ZNF75A: variants seen among roughly 807,000 people sequenced by gnomAD.
The protein encoded by ZNF75A is zinc finger protein 75A.
ZNF75A carries 36 observed loss-of-function variants against 46.3 expected under a neutral mutation model. The ratio of observed to expected loss-of-function variants is 0.78; its 90% CI spans 0.60 to 1.03. The LOEUF is 1.03. Among genes scored for constraint, ZNF75A ranks in the 50% least tolerant of loss-of-function variants. ZNF75A has a pLI of 0.00. For synonymous variants in ZNF75A, 234 were observed against 189.9 expected (o/e 1.23, Z -1.91); for missense variants, 595 against 551.3 (o/e 1.08, Z -0.79).
Position 3,316,955 on chromosome 16 carries a change from G to A in ZNF75A, c.867G>A (p.Glu289=), listed in dbSNP as rs769918150. 5 of 1,614,052 alleles carry A rather than the reference G, an allele frequency of 3.1e-6. No individual in the cohort carries two copies. The highest frequency in any genetic ancestry group is 4.2e-6 in the Non-Finnish European group (5 of 1,179,980). ...AACCTAAAGTGATCTCCTGTCTAGA[G>A]CAAGGGGAAGAGCCATGGGTTCAAG... The part of the protein sequence containing the change: ...LPKPKVISCL[E]QGEEPWVQVS... The change falls in exon 6 of 7, where the codon GAG becomes GAA. Residue 289 remains glutamate (E), a synonymous_variant. Coordinates refer to ENST00000669516, the MANE Select transcript of ZNF75A (RefSeq NM_001302109.2).
chr16:3,323,030 TA>T (rs2030003446), downstream of ZNF75A: 1 of 616,694 alleles, frequency 1.6e-6, no homozygotes, highest in African/African-American at 2.0e-5. Flanking sequence ...GCCATGAACC[TA>T]AGCTACTGTC....
chr16:3,310,865 G>A (rs1960719979), intron 2 of ZNF75A: 1 of 985,364 alleles, frequency 1.0e-6, no homozygotes, highest in South Asian at 4.7e-5. Flanking sequence ...GAACTTGGTG[G>A]GTGGCGACAC....
Position 3,313,159 on chromosome 16 carries a change from G to T in ZNF75A, c.807G>T (p.Glu269Asp). 1 of 1,614,066 alleles carries T rather than the reference G, an allele frequency of 6.2e-7. No homozygotes were observed. Among genetic ancestry groups the T allele is most frequent in the Non-Finnish European group, 8.5e-7 (1 of 1,179,972 alleles). ...LYNDVMQENY[E>D]TVISLALFVL... ...ATGATGTAATGCAGGAAAACTATGAGACTGTCATCTCTCTAGGTAAAGATT... is the reference window on the plus strand; with the variant it reads ...ATGATGTAATGCAGGAAAACTATGATACTGTCATCTCTCTAGGTAAAGATT... Residue 269 changes from glutamate to aspartate, a missense_variant, in exon 5 of 7, where the codon GAG becomes GAT. By Grantham distance (45) the Glu-to-Asp change is conservative. Coordinates refer to ENST00000669516, the MANE Select transcript of ZNF75A (RefSeq NM_001302109.2).
At chr16:3,311,415 G>A (rs1960781480) in intron 2 of ZNF75A, among the ~76,000 whole-genome samples, 1 of 149,130 alleles carries the variant, frequency 6.7e-6, no homozygotes, top group Non-Finnish European at 1.5e-5. Flanking sequence ...CCCAGCCTGG[G>A]CAACAAGAGC....
chr16:3,318,121 T>A lies in ZNF75A; in HGVS notation c.*252T>A. On this transcript the variant is annotated 3_prime_UTR_variant, in exon 7 of 7. Coordinates refer to ENST00000669516, the MANE Select transcript of ZNF75A (RefSeq NM_001302109.2). ...TTTTGAACACATCCAATAGAAACAT[T>A]GGCAGCATGGTCTTCCAAAACAAAA... The A allele has an allele frequency of 7.3e-6, 9 of 1,225,556 alleles. No homozygotes were observed. Among genetic ancestry groups the A allele is most frequent in the Non-Finnish European group, 9.2e-6 (9 of 982,758 alleles). The allele number at this position is 1,225,556 out of a possible 1,614,324, so 75.9% of individuals were successfully genotyped here.
At position 3,317,676 on chromosome 16, in the gene ZNF75A, A is replaced by C. The variant is rs370290011; in HGVS notation, c.1421A>C (p.His474Pro). ...AGCTTCAGTCAAAATACAAATTTAC[A>C]TACACACCAAAGAACTCATACAGGA... ...GKSFSQNTNL[H>P]THQRTHTGEK... The change falls in exon 7 of 7, where the codon CAT becomes CCT. Residue 474 changes from histidine to proline, a missense_variant. By Grantham distance (77) the His-to-Pro change is moderately conservative. Transcript: ENST00000669516. 1 of 1,614,070 alleles carries C rather than the reference A, an allele frequency of 6.2e-7. No individual in the cohort carries two copies. The highest frequency in any genetic ancestry group is 8.5e-7 in the Non-Finnish European group (1 of 1,180,032).
intron 1 of ZNF75A, chr16:3,305,891 C>T (rs1051565850): frequency 2.0e-5 from 3 of 152,276 alleles, no homozygotes; most frequent in Admixed American, 6.5e-5. Flanking sequence ...ACGGGCACGC[C>T]TGTCGCAGAC....
rs559741058 is a variant in ZNF75A at position 3,313,239 on chromosome 16, C to T, written c.823+64C>T. On this transcript the variant is annotated intron_variant, in intron 5 of 6. Coordinates refer to ENST00000669516, the MANE Select transcript of ZNF75A (RefSeq NM_001302109.2). ...TATTCTTGGCTTACTGAGAAGGAAC[C>T]CCAGTGAGGGGTGTCTTACTGTTCC... 2.6e-6 allele frequency: 4 copies of T among 1,546,420 alleles called. No homozygotes were observed. In the South Asian group the frequency reaches 4.7e-5, roughly 18 times the overall value.
chr16:3,319,848 C>T (rs1182438716), downstream of ZNF75A, among the ~76,000 whole-genome samples: 2 of 150,294 alleles, frequency 1.3e-5, no homozygotes, highest in Admixed American at 6.6e-5. Context: ...TCCTTTCCTG[C>T]CTTAATCATG....
Position 3,308,358 on chromosome 16 carries a change from A to T in ZNF75A, c.-71A>T. 8 of 952,878 alleles carry T rather than the reference A, an allele frequency of 8.4e-6. No homozygotes were observed. Among genetic ancestry groups the T allele is most frequent in the Non-Finnish European group, 1.0e-5 (8 of 799,820 alleles). 59.0% of individuals were successfully genotyped at this position (952,878 alleles called of 1,614,324 possible). On this transcript the variant is annotated 5_prime_UTR_variant, in exon 2 of 7. Coordinates refer to ENST00000669516, the MANE Select transcript of ZNF75A (RefSeq NM_001302109.2). ...TTTTATTGCTTTTGTACAAGACCAGACAGGATCTCATTTGTTAAACGTGGT... is the reference window on the plus strand; with the variant it reads ...TTTTATTGCTTTTGTACAAGACCAGTCAGGATCTCATTTGTTAAACGTGGT...
At chr16:3,306,061 T>G (rs1158410605) in intron 1 of ZNF75A, 3 of 152,216 alleles carry the variant, frequency 2.0e-5, no homozygotes, top group Non-Finnish European at 4.4e-5. Context: ...ACATAGGAAG[T>G]GTCTCTTTGC....
chr16:3,307,600 C>T (rs1201062227), intron 1 of ZNF75A: 2 of 151,834 alleles, frequency 1.3e-5, no homozygotes, highest in African/African-American at 4.8e-5. Context: ...TCACTGCAAC[C>T]TTGAATTCCT....
chr16:3,306,014 T>G (rs547021724), intron 1 of ZNF75A: 1 of 152,236 alleles, frequency 6.6e-6, no homozygotes, highest in Non-Finnish European at 1.5e-5. Context: ...ATGCGGTCGG[T>G]TGAGCCTCAG....
At chr16:3,320,194 C>T (rs538800971), downstream of ZNF75A, among the ~76,000 whole-genome samples, 258 of 152,232 alleles carry the variant, frequency 1.7e-3, 1 homozygote, top group East Asian at 9.1e-3. Context: ...TACAGGTACC[C>T]GCCACCACGC....
At chr16:3,321,912 G>A (rs1431026217), downstream of ZNF75A, among the ~76,000 whole-genome samples, 4 of 152,176 alleles carry the variant, frequency 2.6e-5, no homozygotes, top group Admixed American at 6.5e-5. Context: ...GAGGAAGAAC[G>A]CCCAGCAGCC....
intron 2 of ZNF75A, among the ~76,000 whole-genome samples, chr16:3,309,894 A>G (rs114730605): frequency 0.011 from 1,682 of 151,558 alleles, 35 homozygotes; most frequent in African/African-American, 0.038. Flanking sequence ...ACTGCTTGAG[A>G]CCAGCCTGGG....
downstream of ZNF75A, among the ~76,000 whole-genome samples, chr16:3,321,875 A>G (rs2029957700): frequency 6.6e-6 from 1 of 152,240 alleles, no homozygotes; most frequent in South Asian, 2.1e-4. Flanking sequence ...ACTACTGAGA[A>G]CAGTGTTTAA....
At position 3,318,464 on chromosome 16, in the gene ZNF75A, A is replaced by G; in HGVS notation, c.*595A>G. ...ATGCCTCTCATTGGTGATGTTTGGA[A>G]AATAGAAGACATCTCTAATGGAATC... On this transcript the variant is annotated 3_prime_UTR_variant, in exon 7 of 7. Transcript: ENST00000669516. 1 of 985,436 alleles carries G rather than the reference A, an allele frequency of 1.0e-6. No homozygotes were observed. The highest frequency in any genetic ancestry group is 1.2e-6 in the Non-Finnish European group (1 of 829,958). 61.0% of individuals were successfully genotyped at this position (985,436 alleles called of 1,614,324 possible).
At position 3,318,126 on chromosome 16, in the gene ZNF75A, G is replaced by A. The variant is rs141236346; in HGVS notation, c.*257G>A. On this transcript the variant is annotated 3_prime_UTR_variant, in exon 7 of 7. Transcript: ENST00000669516. ...AACACATCCAATAGAAACATTGGCA[G>A]CATGGTCTTCCAAAACAAAAAGCAG... 103 of 1,212,822 alleles carry A rather than the reference G, an allele frequency of 8.5e-5. 1 individual carries two copies. The African/African-American group carries it at 1.4e-3, about 17-fold the overall frequency. The allele number at this position is 1,212,822 out of a possible 1,614,324, so 75.1% of individuals were successfully genotyped here. A position where few individuals can be genotyped will look rare whatever the true frequency, so the allele number is the denominator to read the frequency against.
Sources: gnomAD v4.1 joint callset for allele counts (sites outside exome capture counted in the v4.1 genomes callset) on GRCh38, gnomAD v4.1.1 for gene constraint, MANE v1.5 for transcripts, NCBI Gene and HGNC (gene_info 2026-07-23, HGNC 2026-07-21) for gene names.